The following HAUS6 variants were observed in gnomAD, a reference collection of about 807,000 sequenced individuals.
HAUS6 encodes HAUS augmin-like complex subunit 6.
In HAUS6, 80 loss-of-function variants were observed where a neutral mutation model predicts 106.8. The observed-to-expected ratio is 0.75, with a 90% CI of 0.63 to 0.90. The LOEUF (loss-of-function observed/expected upper bound fraction) is 0.90, where lower values mean the gene tolerates loss of function less well. HAUS6 is among the 40% of genes least tolerant of loss of function. The pLI is 0.00. For synonymous variants in HAUS6, 356 were observed against 379.1 expected (o/e 0.94, Z 0.71); for missense variants, 1,155 against 1,118.1 (o/e 1.03, Z -0.47).
intron 9 of HAUS6, among the ~76,000 whole-genome samples, chr9:19,079,484 G>C (rs1162264653): frequency 2.6e-5 from 4 of 151,778 alleles, no homozygotes; most frequent in Non-Finnish European, 5.9e-5. Context: ...ACCTGCCTCA[G>C]TCTCCCAAAG....
chr9:19,084,990 C>T (rs188827929), intron 7 of HAUS6, among the ~76,000 whole-genome samples: 1 of 152,088 alleles, frequency 6.6e-6, no homozygotes, highest in Non-Finnish European at 1.5e-5. Context: ...TCCACTGGCA[C>T]AACCAGAGCA....
intron 2 of HAUS6, 99 bp downstream of exon 2, chr9:19,096,564 CAAAAAAAAAAA>C (rs370743421): frequency 4.5e-5 from 12 of 269,440 alleles, no homozygotes; most frequent in Admixed American, 1.0e-4. Flanking sequence ...GACTCCGTCT[CAAAAAAAAAAA>C]AAAAAAAAAA....
chr9:19,079,201 T>C (rs527808111), intron 9 of HAUS6, among the ~76,000 whole-genome samples: 78 of 148,630 alleles, frequency 5.2e-4, no homozygotes, highest in African/African-American at 1.8e-3. Context: ...CAATAATACA[T>C]CTATTACTCC....
At chr9:19,082,530 C>G (rs1331996555) in intron 8 of HAUS6, among the ~76,000 whole-genome samples, 1 of 152,164 alleles carries the variant, frequency 6.6e-6, no homozygotes, top group Non-Finnish European at 1.5e-5. Context: ...GGGTGGATCA[C>G]CTGAGGTCAG....
chr9:19,102,232 C>G (rs543361939), intron 1 of HAUS6, among the ~76,000 whole-genome samples: 40 of 152,244 alleles, frequency 2.6e-4, no homozygotes, highest in Non-Finnish European at 5.1e-4. Flanking sequence ...CTTCACAGAC[C>G]ACCCCTCCAC....
rs1044441591 is a variant in HAUS6, at chr9:19,094,336, T to C, written c.284A>G (p.Glu95Gly). The C allele has an allele frequency of 4.4e-6, 7 of 1,596,762 alleles. No homozygotes were observed. The highest frequency in any genetic ancestry group is 4.3e-6 in the Non-Finnish European group (5 of 1,166,960). ...SDTEFRKHCC[E>G]WIKRISGECG... Reference sequence around the variant, plus strand: ...ACTTACAGAAATCCTTTTTATCCATTCACAGCAATGTTTTCGGAATTCAGT... The same window carrying C: ...ACTTACAGAAATCCTTTTTATCCATCCACAGCAATGTTTTCGGAATTCAGT... Residue 95 changes from glutamate (E) to glycine (G), a missense_variant, in exon 3 of 17, where the codon GAA becomes GGA. Physicochemically the swap from Glu to Gly is moderately conservative, Grantham distance 98. Coordinates refer to ENST00000380502, the MANE Select transcript of HAUS6 (RefSeq NM_017645.5).
intron 12 of HAUS6, chr9:19,064,988 C>A (rs147215650): frequency 6.6e-6 from 1 of 152,238 alleles, no homozygotes; most frequent in Non-Finnish European, 1.5e-5. Flanking sequence ...TTCCCTAAGG[C>A]TATTCCCAGA....
Position 19,089,451 on chromosome 9 carries a change from C to T in HAUS6, c.545G>A (p.Arg182Lys), listed in dbSNP as rs1817699013. The change falls in exon 5 of 17, where the codon AGA (arginine) becomes AAA (lysine). Residue 182 changes from arginine (R) to lysine (K), a missense_variant. Coordinates refer to ENST00000380502, the MANE Select transcript of HAUS6 (RefSeq NM_017645.5). ...ATATTTTTGGGTAACACAATCTTGT[C>T]TTTGCAAAATTTGTAAAAATCTGCT... ...ARSRFLQILQRQDCVTQKYQE... is the reference protein window; with the variant it reads ...ARSRFLQILQKQDCVTQKYQE... The T allele has an allele frequency of 1.2e-6, 2 of 1,611,856 alleles. No homozygotes were observed.
intron 14 of HAUS6, 145 bp from the exon 15 acceptor site, chr9:19,060,368 C>A: frequency 1.7e-6 from 1 of 594,392 alleles, no homozygotes; most frequent in Non-Finnish European, 2.9e-6. Flanking sequence ...AAAGAAGTTC[C>A]CCAACAACTC....
At chr9:19,099,461 C>T (rs28753724) in intron 1 of HAUS6, among the ~76,000 whole-genome samples, 63,339 of 151,614 alleles carry the variant, frequency 0.42, 14,195 homozygotes, top group Non-Finnish European at 0.5. Context: ...CCACCGCACC[C>T]GGCCTCTTTT....
rs1837051469 is a variant in HAUS6, at chr9:19,078,114, GTC to G, written c.1191+60_1191+61del. The G allele has an allele frequency of 4.1e-6, 5 of 1,234,402 alleles. No individual in the cohort carries two copies. The South Asian group carries it at 6.7e-5, about 17-fold the overall frequency. The allele number at this position is 1,234,402 out of a possible 1,614,324, so 76.5% of individuals were successfully genotyped here. A position where few individuals can be genotyped will look rare whatever the true frequency, so the allele number is the denominator to read the frequency against. On this transcript the variant is annotated intron_variant, in intron 10 of 16. Coordinates refer to ENST00000380502, the MANE Select transcript of HAUS6 (RefSeq NM_017645.5). The stretch of plus-strand genomic sequence containing the variant: ...AGCCTGGGCAACAGAGCAAGACACT[GTC>G]TCAAAAAAAAAAAAAAAGGTGGGTG...
intron 4 of HAUS6, among the ~76,000 whole-genome samples, chr9:19,090,639 A>T (rs1817725222): frequency 6.6e-6 from 1 of 152,228 alleles, no homozygotes; most frequent in Non-Finnish European, 1.5e-5. Flanking sequence ...CTGGGATTAT[A>T]GGCGTGAGCC....
intron 10 of HAUS6, 80 bp downstream of exon 10, chr9:19,078,096 G>T: frequency 3.5e-6 from 4 of 1,127,180 alleles, no homozygotes; most frequent in Non-Finnish European, 5.2e-6. Flanking sequence ...TCCAGCCTGG[G>T]CAACAGAGCA....
intron 14 of HAUS6, among the ~76,000 whole-genome samples, 172 bp downstream of exon 14, chr9:19,062,836 T>C (rs1448411555): frequency 1.3e-5 from 2 of 152,176 alleles, no homozygotes; most frequent in African/African-American, 4.8e-5. Flanking sequence ...CAACTGTTTT[T>C]TTAATTTTTT....
intron 3 of HAUS6, among the ~76,000 whole-genome samples, chr9:19,093,962 G>T (rs999392534): frequency 6.6e-6 from 1 of 152,088 alleles, no homozygotes; most frequent in Non-Finnish European, 1.5e-5. Context: ...TAAACTCTAC[G>T]TGGACCTGGT....
chr9:19,066,518 T>C (rs12377993), intron 12 of HAUS6, among the ~76,000 whole-genome samples: 273 of 152,086 alleles, frequency 1.8e-3, no homozygotes, highest in Non-Finnish European at 3.0e-3. Flanking sequence ...GGAGAAAACA[T>C]AGAAGTTAGA....
Position 19,102,607 on chromosome 9 carries a change from C to T in HAUS6, c.45G>A (p.Trp15Ter). Residue 15 changes from tryptophan to a stop codon, truncating the protein, a stop_gained, in exon 1 of 17, where the codon TGG becomes TGA. Coordinates refer to ENST00000380502, the MANE Select transcript of HAUS6 (RefSeq NM_017645.5). LOFTEE classifies it high-confidence loss of function. ...SVTAFEKEHLWMYLQALGFEP... is the reference protein window; with the variant it reads ...SVTAFEKEHL ...CGAAGCCGAGCGCCTGCAGATACAT[C>T]CAGAGATGCTCCTTCTCGAAAGCGG... 6.2e-7 allele frequency: 1 copy of T among 1,613,722 alleles called. No individual in the cohort carries two copies. The highest frequency in any genetic ancestry group is 8.5e-7 in the Non-Finnish European group (1 of 1,179,816).
intron 7 of HAUS6, among the ~76,000 whole-genome samples, chr9:19,084,776 G>T (rs1267637470): frequency 6.6e-6 from 1 of 151,670 alleles, no homozygotes; most frequent in African/African-American, 2.4e-5. Flanking sequence ...GGGACTACAG[G>T]TGAGTACCAC....
Position 19,053,974 on chromosome 9 carries a change from T to C in HAUS6, c.*2369A>G, listed in dbSNP as rs1836415297. The C allele has an allele frequency of 6.6e-6, 1 of 152,014 alleles. No homozygotes were observed. Among genetic ancestry groups the C allele is most frequent in the African/African-American group, 2.4e-5 (1 of 41,384 alleles). The allele number at this position is 152,014 out of a possible 1,614,324, so 9.4% of individuals were successfully genotyped here. ...ATAAAAAATATATAATAAAATCAAT[T>C]CGTGGGATATTAAATGAATAAAAAG... On this transcript the variant is annotated 3_prime_UTR_variant, in exon 17 of 17. Coordinates refer to ENST00000380502, the MANE Select transcript of HAUS6 (RefSeq NM_017645.5).
Sources: allele counts gnomAD v4.1 joint callset (sites outside exome capture counted in the v4.1 genomes callset), GRCh38; gene constraint gnomAD v4.1.1; transcripts MANE v1.5; gene names NCBI Gene and HGNC (gene_info 2026-07-23, HGNC 2026-07-21).